ADSL: variants seen among roughly 807,000 people sequenced by gnomAD.
ADSL encodes the protein adenylosuccinase.
A neutral mutation model predicts 62.1 loss-of-function variants in ADSL; 44 were observed. The observed-to-expected ratio is 0.71, with a 90% confidence interval of 0.56 to 0.91. ADSL has a LOEUF of 0.91. Among genes scored for constraint, ADSL ranks in the 40% least tolerant of loss-of-function variants. The pLI is 0.00. For synonymous variants in ADSL, 198 were observed against 220.5 expected, an observed-to-expected ratio of 0.90 and a Z score of 0.90; for missense variants, 531 against 627.4, an observed-to-expected ratio of 0.85 and a Z score of 1.64.
chr22:40,380,210 T>C (rs2146792270), intron 2 of ADSL, among the ~76,000 whole-genome samples: 1 of 152,324 alleles, frequency 6.6e-6, no homozygotes, highest in Non-Finnish European at 1.5e-5. Context: ...TTAACATTTT[T>C]TTAATGCTGT....
intron 2 of ADSL, among the ~76,000 whole-genome samples, chr22:40,377,137 A>T (rs1179898265): frequency 6.6e-6 from 1 of 152,210 alleles, no homozygotes; most frequent in Non-Finnish European, 1.5e-5. Flanking sequence ...CCAGCATCCA[A>T]TCCAGGTTCT....
At chr22:40,381,445 G>A (rs190556150) in intron 2 of ADSL, among the ~76,000 whole-genome samples, 5 of 152,170 alleles carry the variant, frequency 3.3e-5, no homozygotes, top group East Asian at 1.9e-4. Context: ...CACCATGCCC[G>A]GCTACAAGGC....
intron 2 of ADSL, among the ~76,000 whole-genome samples, chr22:40,386,301 T>C (rs1021593335): frequency 6.6e-6 from 1 of 152,158 alleles, no homozygotes; most frequent in Non-Finnish European, 1.5e-5. Context: ...ATTGTTGAAA[T>C]CAGCATTATT....
intron 2 of ADSL, among the ~76,000 whole-genome samples, chr22:40,379,082 T>C (rs947219645): frequency 6.6e-6 from 1 of 152,220 alleles, no homozygotes; most frequent in Non-Finnish European, 1.5e-5. Flanking sequence ...CTCATTTTAC[T>C]CTGTAGCACT....
chr22:40,356,273 G>A (rs2044553167), intron 4 of ADSL, among the ~76,000 whole-genome samples: 1 of 150,874 alleles, frequency 6.6e-6, no homozygotes, highest in African/African-American at 2.4e-5. Context: ...GCAGTGGATC[G>A]TGCCTGTAAT....
At chr22:40,370,784 G>C (rs1460676025), downstream of ADSL, 1 of 152,286 alleles carries the variant, frequency 6.6e-6, no homozygotes, top group Admixed American at 6.5e-5. Context: ...CTGTCCGACC[G>C]AGGGTCGTAT....
At position 40,354,244 on chromosome 22, in the gene ADSL, G is replaced by T; in HGVS notation, c.403-4G>T. 1 of 1,613,842 alleles carries T rather than the reference G, an allele frequency of 6.2e-7. No homozygotes were observed. Among genetic ancestry groups the T allele is most frequent in the South Asian group, 1.1e-5 (1 of 91,062 alleles). On this transcript the variant is annotated splice_polypyrimidine_tract_variant and splice_region_variant and intron_variant, in intron 3 of 12. Transcript: ENST00000623063. Reference sequence around the variant, plus strand: ...CTCTTTCTATCACATGATCTTTCTTGTAGCTTGCCAGAGTGATCTCTCGGC... The same window carrying T: ...CTCTTTCTATCACATGATCTTTCTTTTAGCTTGCCAGAGTGATCTCTCGGC...
At chr22:40,353,905 C>T in intron 3 of ADSL, 1 of 380,560 alleles carries the variant, frequency 2.6e-6, no homozygotes, top group Non-Finnish European at 4.9e-6. Flanking sequence ...GGATTACAGG[C>T]ATGAGCCACC....
rs201185712 is a variant in ADSL at position 40,354,376 on chromosome 22, C to T, written c.482+49C>T. On this transcript the variant is annotated intron_variant, in intron 4 of 12. Transcript: ENST00000623063. ...TTTATGTGCATATGGCTTTCAGCTGCTTCTTGAGTTCTCTGTTTTCCACAG... is the reference window on the plus strand; with the variant it reads ...TTTATGTGCATATGGCTTTCAGCTGTTTCTTGAGTTCTCTGTTTTCCACAG... The T allele has an allele frequency of 1.7e-4, 242 of 1,404,112 alleles. 3 individuals carry two copies. In the South Asian group the frequency reaches 2.0e-3, roughly 11 times the overall value. The allele number at this position is 1,404,112 out of a possible 1,614,324, so 87.0% of individuals were successfully genotyped here. A position where few individuals can be genotyped will look rare whatever the true frequency, so the allele number is the denominator to read the frequency against.
chr22:40,356,536 A>C (rs2743726), intron 4 of ADSL, among the ~76,000 whole-genome samples: 1 of 132,710 alleles, frequency 7.5e-6, no homozygotes, highest in East Asian at 2.1e-4. Flanking sequence ...TTCCGTCTCC[A>C]AAAAAAAAAA....
chr22:40,370,588 C>T (rs1030204263), downstream of ADSL: 1 of 152,440 alleles, frequency 6.6e-6, no homozygotes, highest in Non-Finnish European at 1.5e-5. Context: ...CATGCCACGC[C>T]CCGCCACGCG....
chr22:40,374,457 G>C (rs979420060), intron 2 of ADSL, among the ~76,000 whole-genome samples: 8 of 152,234 alleles, frequency 5.3e-5, no homozygotes, highest in Non-Finnish European at 5.9e-5. Context: ...GAGTCTGACA[G>C]ATCTGGTAAC....
At chr22:40,369,963 G>T (rs182460161), downstream of ADSL, among the ~76,000 whole-genome samples, 64 of 152,326 alleles carry the variant, frequency 4.2e-4, no homozygotes, top group African/African-American at 1.5e-3. Context: ...CCCTAGAAAG[G>T]TGATATGAAG....
intron 5 of ADSL, 43 bp downstream of exon 5, chr22:40,359,078 G>A (rs1208271021): frequency 6.2e-7 from 1 of 1,609,724 alleles, no homozygotes; most frequent in East Asian, 2.2e-5. Context: ...CTCAATGGTG[G>A]AGCCTAAGAG....
intron 10 of ADSL, 106 bp from the exon 11 acceptor site, chr22:40,364,170 G>T: frequency 1.2e-6 from 1 of 815,338 alleles, no homozygotes. Context: ...TCTCCATAAT[G>T]TGGTAGTTAG....
chr22:40,385,491 G>A (rs2048270832), intron 2 of ADSL, among the ~76,000 whole-genome samples: 1 of 152,198 alleles, frequency 6.6e-6, no homozygotes, highest in Non-Finnish European at 1.5e-5. Flanking sequence ...GTTCTCGTGG[G>A]TGGAGAATTT....
chr22:40,359,497 T>C (rs1040958171), intron 6 of ADSL, among the ~76,000 whole-genome samples, 191 bp downstream of exon 6: 8 of 122,876 alleles, frequency 6.5e-5, no homozygotes, highest in East Asian at 2.2e-4. Flanking sequence ...TTTTTTTTTT[T>C]CGCCTAATCG....
chr22:40,357,363 C>G (rs559008387), intron 4 of ADSL, among the ~76,000 whole-genome samples: 1 of 149,982 alleles, frequency 6.7e-6, no homozygotes, highest in African/African-American at 2.5e-5. Context: ...AAGTGATTCT[C>G]CTGCCTCAGC....
intron 2 of ADSL, 90 bp downstream of exon 2, chr22:40,350,125 C>A: frequency 1.6e-5 from 19 of 1,169,976 alleles, no homozygotes; most frequent in Non-Finnish European, 2.0e-5. Flanking sequence ...GGAAGTGACA[C>A]TATAGATCTT....
Sources: gnomAD v4.1 joint callset for allele counts (sites outside exome capture counted in the v4.1 genomes callset) on GRCh38, gnomAD v4.1.1 for gene constraint, MANE v1.5 for transcripts, NCBI Gene and HGNC (gene_info 2026-07-23, HGNC 2026-07-21) for gene names.